FAM135A: variants seen among roughly 807,000 people sequenced by gnomAD.
FAM135A encodes protein FAM135A.
In FAM135A, 79 loss-of-function variants were observed where a neutral mutation model predicts 146.8. The ratio of observed to expected loss-of-function variants is 0.54; its 90% CI spans 0.45 to 0.65. The LOEUF (loss-of-function observed/expected upper bound fraction) is 0.65, where lower values mean the gene tolerates loss of function less well. Ranked by LOEUF, FAM135A falls within the 30% of genes least tolerant of loss-of-function variation. The pLI, the probability that FAM135A is intolerant of heterozygous loss-of-function variation, is 0.00. For synonymous variants in FAM135A, 562 were observed against 603.6 expected (o/e 0.93, Z 1.01); for missense variants, 1,623 against 1,758.2 (o/e 0.92, Z 1.38).
At chr6:70,496,629 T>C (rs1246590647) in intron 11 of FAM135A, among the ~76,000 whole-genome samples, 1 of 152,204 alleles carries the variant, frequency 6.6e-6, no homozygotes, top group African/African-American at 2.4e-5. Flanking sequence ...AGAGTTTGTA[T>C]GGTTTTAGTT....
chr6:70,473,898 G>T (rs1017462513), intron 5 of FAM135A, among the ~76,000 whole-genome samples: 1 of 152,120 alleles, frequency 6.6e-6, no homozygotes, highest in Non-Finnish European at 1.5e-5. Flanking sequence ...CTGTAAAGAC[G>T]CTCTCTCCAT....
intron 4 of FAM135A, among the ~76,000 whole-genome samples, chr6:70,441,330 G>A (rs1355965844): frequency 1.3e-5 from 2 of 152,142 alleles, no homozygotes; most frequent in East Asian, 3.9e-4. Context: ...GGAGGTTGCT[G>A]TAAGCTGAGA....
At chr6:70,486,362 A>G (rs527854119) in intron 10 of FAM135A, 2 of 795,492 alleles carry the variant, frequency 2.5e-6, no homozygotes, top group Non-Finnish European at 3.9e-6. Context: ...TGTTTCCACC[A>G]TTCTGAAGAA....
intron 19 of FAM135A, among the ~76,000 whole-genome samples, chr6:70,537,508 C>A (rs1241962027): frequency 1.3e-5 from 2 of 152,022 alleles, no homozygotes; most frequent in Non-Finnish European, 2.9e-5. Flanking sequence ...AAAATGAAGT[C>A]CTTAAATAAT....
chr6:70,536,116 A>G, intron 18 of FAM135A, 144 bp from the exon 19 acceptor site: 5 of 672,140 alleles, frequency 7.4e-6, no homozygotes, highest in South Asian at 2.6e-5. Flanking sequence ...AATGTGGTAT[A>G]TCATTTCAAA....
In FAM135A at chr6:70,538,305, C is replaced by T; in HGVS notation, c.4132C>T (p.Gln1378Ter). The T allele has an allele frequency of 3.3e-6, 5 of 1,509,718 alleles. No homozygotes were observed. In the South Asian group the frequency reaches 4.2e-5, roughly 13 times the overall value. 93.5% of individuals were successfully genotyped at this position (1,509,718 alleles called of 1,614,324 possible). Residue 1378 changes from glutamine to a stop codon, truncating the protein, a stop_gained, in exon 20 of 22, where the codon CAG becomes TAG. Coordinates refer to ENST00000418814, the MANE Select transcript of FAM135A (RefSeq NM_001162529.3). LOFTEE classifies it high-confidence loss of function. The part of the protein sequence containing the change: ...ALVNTGLWFM[Q>*]KWKKSGSLLQ... ...TGACTCTCTAGGTCTCTGGTTTATG[C>T]AGAAATGGAAAAAATCAGGTTCGCT...
At chr6:70,424,236 C>T (rs1357437888) in intron 2 of FAM135A, among the ~76,000 whole-genome samples, 1 of 152,196 alleles carries the variant, frequency 6.6e-6, no homozygotes, top group Non-Finnish European at 1.5e-5. Context: ...TTTTCATAGC[C>T]TGCTTCTTGC....
intron 4 of FAM135A, among the ~76,000 whole-genome samples, chr6:70,430,589 TC>T (rs1771359540): frequency 6.6e-6 from 1 of 152,198 alleles, no homozygotes; most frequent in Admixed American, 6.5e-5. Flanking sequence ...AGATAGCATA[TC>T]TACCAATCTC....
Position 70,525,438 on chromosome 6 carries a change from C to T in FAM135A, c.2354C>T (p.Thr785Ile). 1 of 1,613,572 alleles carries T rather than the reference C, an allele frequency of 6.2e-7. No individual in the cohort carries two copies. Residue 785 changes from threonine to isoleucine, a missense_variant, in exon 15 of 22, where the codon ACT (threonine) becomes ATT (isoleucine). Physicochemically the swap from Thr to Ile is moderately conservative, Grantham distance 89. Around this residue, in one of 7 missense-constraint regions of FAM135A, gnomAD observed 1,061 missense variants for 1,113.8 expected, o/e 0.95. Coordinates refer to ENST00000418814, the MANE Select transcript of FAM135A (RefSeq NM_001162529.3). ...AGTTCTTTTGCGACACATCCAAACA[C>T]TGATTTAGTCTTTGAAACTGTGCAA... ...EPSSFATHPN[T>I]DLVFETVQGQ... is the part of the protein sequence containing the mutation.
At chr6:70,494,428 A>T (rs1582533406) in intron 11 of FAM135A, among the ~76,000 whole-genome samples, 2 of 151,402 alleles carry the variant, frequency 1.3e-5, no homozygotes, top group African/African-American at 4.8e-5. Context: ...CCAGGAAATG[A>T]GACTGTATTC....
At chr6:70,473,093 T>G (rs1781934943) in intron 5 of FAM135A, among the ~76,000 whole-genome samples, 1 of 152,274 alleles carries the variant, frequency 6.6e-6, no homozygotes, top group Non-Finnish European at 1.5e-5. Flanking sequence ...CAATGGATGT[T>G]AATCTATTAC....
intron 20 of FAM135A, among the ~76,000 whole-genome samples, chr6:70,544,555 C>T (rs2128460625): frequency 6.6e-6 from 1 of 151,770 alleles, no homozygotes; most frequent in East Asian, 1.9e-4. Flanking sequence ...GCCTGGGCAA[C>T]ATGGTGAAAC....
chr6:70,449,155 A>T (rs1200765772), intron 4 of FAM135A, among the ~76,000 whole-genome samples: 1 of 152,254 alleles, frequency 6.6e-6, no homozygotes, highest in African/African-American at 2.4e-5. Context: ...TTGACAATTT[A>T]AAAGTTGTAT....
intron 12 of FAM135A, among the ~76,000 whole-genome samples, chr6:70,520,047 T>G (rs1793212428): frequency 6.6e-6 from 1 of 152,168 alleles, no homozygotes; most frequent in South Asian, 2.1e-4. Context: ...TTTATTTATT[T>G]TGTGTGATCT....
In FAM135A at chr6:70,446,155, A is replaced by G. The variant is rs188108458; in HGVS notation, c.78-6337A>G. On this transcript the variant is annotated intron_variant, in intron 4 of 21. Transcript: ENST00000418814. ...AAATATTTGTTCTTTTAATTTTGCA[A>G]TATCCAAAGACAAGTTTGTGGAGTG... Among the ~76,000 whole-genome samples, 142 of 152,314 alleles carry G rather than the reference A, an allele frequency of 9.3e-4. No individual in the cohort carries two copies. The Middle Eastern group carries it at 0.014, about 15-fold the overall frequency.
chr6:70,464,983 C>G (rs983388451), intron 5 of FAM135A, among the ~76,000 whole-genome samples: 1 of 151,688 alleles, frequency 6.6e-6, no homozygotes, highest in Admixed American at 6.6e-5. Context: ...CACACCTGAC[C>G]TAAAATTTTG....
At position 70,525,267 on chromosome 6, in the gene FAM135A, C is replaced by G; in HGVS notation, c.2183C>G (p.Ser728Ter). 6.3e-7 allele frequency: 1 copy of G among 1,599,932 alleles called. No individual in the cohort carries two copies. ...QEAKCLSIGE[S>*]LTKLRSNLPA... ...GCAAAGTGTCTTTCTATTGGAGAATCATTAACTAAATTACGAAGTAATCTA... is the reference window on the plus strand; with the variant it reads ...GCAAAGTGTCTTTCTATTGGAGAATGATTAACTAAATTACGAAGTAATCTA... The change falls in exon 15 of 22, where the codon TCA becomes TGA. Residue 728 changes from serine to a stop codon, truncating the protein, a stop_gained. Coordinates refer to ENST00000418814, the MANE Select transcript of FAM135A (RefSeq NM_001162529.3). LOFTEE classifies it high-confidence loss of function.
chr6:70,537,296 T>C (rs1399548476), intron 19 of FAM135A, among the ~76,000 whole-genome samples: 1 of 152,182 alleles, frequency 6.6e-6, no homozygotes, highest in African/African-American at 2.4e-5. Context: ...ATCTATAAAT[T>C]AGTCAATTGA....
chr6:70,420,207 G>A (rs148963206), intron 2 of FAM135A, among the ~76,000 whole-genome samples: 277 of 152,294 alleles, frequency 1.8e-3, no homozygotes, highest in Non-Finnish European at 3.0e-3. Context: ...TCTAGCTTAG[G>A]AGAAAGAACA....
Sources: gnomAD v4.1 joint callset for allele counts (sites outside exome capture counted in the v4.1 genomes callset) on GRCh38, gnomAD v4.1.1 for gene constraint, gnomAD v4.1.1 regional missense constraint, MANE v1.5 for transcripts, NCBI Gene and HGNC (gene_info 2026-07-23, HGNC 2026-07-21) for gene names.